HECW1: variants seen among roughly 807,000 people sequenced by gnomAD.
The protein encoded by HECW1 is HECT, C2 and WW domain containing E3 ubiquitin protein ligase 1, also known as E3 ubiquitin-protein ligase HECW1.
In HECW1, 61 loss-of-function variants were observed where a neutral mutation model predicts 182.3. The ratio of observed to expected loss-of-function variants is 0.33; its 90% confidence interval spans 0.27 to 0.41. The LOEUF is 0.41. Ranked by LOEUF, HECW1 falls within the 10% of genes least tolerant of loss-of-function variation. The pLI is 1.00. For missense variants in HECW1, 1,739 were observed against 2,108.9 expected (o/e 0.82, Z 3.44); for synonymous variants, 859 against 832.6 (o/e 1.03, Z -0.55).
intron 2 of HECW1, among the ~76,000 whole-genome samples, chr7:43,128,934 G>T (rs1271159716): frequency 6.6e-6 from 1 of 151,938 alleles, no homozygotes; most frequent in East Asian, 1.9e-4. Flanking sequence ...ATTGGAAATG[G>T]AGCATGATGA....
At chr7:43,292,972 C>T (rs1376285562) in intron 3 of HECW1, among the ~76,000 whole-genome samples, 1 of 152,006 alleles carries the variant, frequency 6.6e-6, no homozygotes, top group Non-Finnish European at 1.5e-5. Flanking sequence ...CACCTGTAAT[C>T]CCATCACTTT....
intron 2 of HECW1, among the ~76,000 whole-genome samples, chr7:43,180,367 GTTTTA>G (rs948867373): frequency 1.4e-5 from 2 of 140,842 alleles, no homozygotes; most frequent in Non-Finnish European, 3.2e-5. Context: ...TGCTTTCTAA[GTTTTA>G]TTTTATTATT....
intron 2 of HECW1, among the ~76,000 whole-genome samples, chr7:43,188,884 T>G (rs7805119): frequency 0.24 from 36,645 of 152,056 alleles, 4,616 homozygotes; most frequent in Middle Eastern, 0.27. Context: ...AAACAATTCA[T>G]GAAAAGTCAT....
chr7:43,259,794 A>G (rs538931662), intron 3 of HECW1, among the ~76,000 whole-genome samples: 1 of 152,328 alleles, frequency 6.6e-6, no homozygotes, highest in African/African-American at 2.4e-5. Context: ...AAAATATTTA[A>G]AAACACTTTA....
chr7:43,480,624 C>T (rs200929568), intron 17 of HECW1, among the ~76,000 whole-genome samples: 17 of 145,716 alleles, frequency 1.2e-4, no homozygotes, highest in Non-Finnish European at 1.8e-4. Flanking sequence ...TGTGTGTGTG[C>T]GTGTGTGTGT....
chr7:43,247,413 G>A (rs1408992985), intron 3 of HECW1, among the ~76,000 whole-genome samples: 1 of 152,160 alleles, frequency 6.6e-6, no homozygotes, highest in Admixed American at 6.5e-5. Flanking sequence ...TTGGGAGGGG[G>A]ATAGCGGGAG....
At chr7:43,311,670 G>C in intron 3 of HECW1, 93 bp from the exon 4 acceptor site, 1 of 1,138,768 alleles carries the variant, frequency 8.8e-7, no homozygotes, top group Non-Finnish European at 1.3e-6. Flanking sequence ...CTCACAGCGC[G>C]TGTCTCCCAG....
intron 11 of HECW1, among the ~76,000 whole-genome samples, chr7:43,448,906 G>T (rs1383500507): frequency 6.6e-6 from 1 of 152,230 alleles, no homozygotes; most frequent in African/African-American, 2.4e-5. Context: ...CAAGGGTGAT[G>T]ATGTGGAACC....
At chr7:43,305,611 T>TGTC (rs1807443677) in intron 3 of HECW1, among the ~76,000 whole-genome samples, 1 of 151,846 alleles carries the variant, frequency 6.6e-6, no homozygotes. Flanking sequence ...TTGTTGTTGT[T>TGTC]GTTTGTTGTT....
At chr7:43,175,669 C>G (rs1792154361) in intron 2 of HECW1, among the ~76,000 whole-genome samples, 1 of 152,128 alleles carries the variant, frequency 6.6e-6, no homozygotes, top group Admixed American at 6.6e-5. Flanking sequence ...TTTGCTAGAC[C>G]TTGTCCGTGG....
intron 3 of HECW1, among the ~76,000 whole-genome samples, chr7:43,296,384 CAG>C (rs1401141225): frequency 6.6e-6 from 1 of 152,168 alleles, no homozygotes; most frequent in African/African-American, 2.4e-5. Flanking sequence ...TTGGAATTTG[CAG>C]AGTGTGGCTC....
intron 17 of HECW1, among the ~76,000 whole-genome samples, chr7:43,487,988 A>T (rs2078713582): frequency 1.4e-5 from 2 of 139,810 alleles, no homozygotes; most frequent in Non-Finnish European, 3.2e-5. Flanking sequence ...GAGAGAAAGA[A>T]AAAAGAAAGA....
At chr7:43,196,542 C>G (rs767568191) in intron 2 of HECW1, among the ~76,000 whole-genome samples, 1 of 152,154 alleles carries the variant, frequency 6.6e-6, no homozygotes, top group African/African-American at 2.4e-5. Context: ...CCACAGGTCC[C>G]GGCTCTCAGA....
intron 8 of HECW1, among the ~76,000 whole-genome samples, chr7:43,419,065 G>A (rs1243871584): frequency 2.0e-5 from 3 of 152,312 alleles, no homozygotes; most frequent in Non-Finnish European, 4.4e-5. Context: ...TCTGGGATCA[G>A]CCATAAACTT....
chr7:43,311,722 G>A (rs772851735), intron 3 of HECW1, 41 bp from the exon 4 acceptor site: 33 of 1,583,460 alleles, frequency 2.1e-5, no homozygotes, highest in Non-Finnish European at 2.9e-5. Context: ...CTGAGTTGCC[G>A]GCGTGCCCTG....
At chr7:43,337,936 G>A (rs1812508858) in intron 5 of HECW1, among the ~76,000 whole-genome samples, 1 of 152,172 alleles carries the variant, frequency 6.6e-6, no homozygotes, top group Admixed American at 6.5e-5. Context: ...ACTGGGAGAA[G>A]CAACTACCAA....
chr7:43,525,855 G>A (rs2080736025), intron 24 of HECW1, among the ~76,000 whole-genome samples: 1 of 152,220 alleles, frequency 6.6e-6, no homozygotes, highest in Admixed American at 6.5e-5. Flanking sequence ...GTACAGAGGA[G>A]AGGGGAGGCT....
rs138471133 is a variant in HECW1 at position 43,433,492 on chromosome 7, T to A, written c.802-4511T>A. ...GAGAACCAAGGCTAAGACCCACTGG[T>A]CAAAGCAAAAGTAAGCATCCCAACA... On this transcript the variant is annotated intron_variant, in intron 8 of 29. Transcript: ENST00000395891. 1.3e-4 allele frequency among the ~76,000 whole-genome samples: 20 copies of A among 152,304 alleles called. No individual in the cohort carries two copies. In the East Asian group the frequency reaches 3.7e-3, roughly 28 times the overall value.
At chr7:43,149,609 A>G (rs1167471643) in intron 2 of HECW1, among the ~76,000 whole-genome samples, 1 of 152,226 alleles carries the variant, frequency 6.6e-6, no homozygotes, top group Non-Finnish European at 1.5e-5. Flanking sequence ...CAAATGTATC[A>G]TGATGATGTA....
Sources: gnomAD v4.1 joint callset for allele counts (sites outside exome capture counted in the v4.1 genomes callset) on GRCh38, gnomAD v4.1.1 for gene constraint, MANE v1.5 for transcripts, NCBI Gene and HGNC (gene_info 2026-07-23, HGNC 2026-07-21) for gene names.